LAMA5: variants seen among roughly 807,000 people sequenced by gnomAD.
The protein encoded by LAMA5 is laminin subunit alpha 5, also known as laminin subunit alpha-5.
A neutral mutation model predicts 433.4 loss-of-function variants in LAMA5; 260 were observed. That is an observed-to-expected ratio of 0.60 (90% CI 0.54 to 0.66). The LOEUF (loss-of-function observed/expected upper bound fraction) is 0.66, where lower values mean the gene tolerates loss of function less well. Among genes scored for constraint, LAMA5 ranks in the 30% least tolerant of loss-of-function variants. The pLI is 0.00. For synonymous variants in LAMA5, 2,620 were observed against 2,226.6 expected, an observed-to-expected ratio of 1.18 and a Z score of -4.97; for missense variants, 5,378 against 5,258.5, an observed-to-expected ratio of 1.02 and a Z score of -0.70.
At chr20:62,336,656 T>C in intron 17 of LAMA5, 78 bp downstream of exon 17, 3 of 1,523,054 alleles carry the variant, frequency 2.0e-6, no homozygotes, top group Non-Finnish European at 1.8e-6. Context: ...CAGGAAGCCC[T>C]GGTCTCACCG....
rs370848095 is a variant in LAMA5 at position 62,335,076 on chromosome 20, C to T, written c.2427G>A (p.Ala809=). ...GTCCAAAGAAGCCATCCTTGCAGGA[C>T]GCGCAGGCCTGGCCGCACACGTGGG... ...CKPHVCGQAC[A]SCKDGFFGLD... is the part of the protein sequence containing the mutation. The change falls in exon 20 of 80, where the codon GCG becomes GCA. Residue 809 remains alanine, a synonymous_variant. Coordinates refer to ENST00000252999, the MANE Select transcript of LAMA5 (RefSeq NM_005560.6). 48 of 1,612,924 alleles carry T rather than the reference C, an allele frequency of 3.0e-5. No homozygotes were observed. In the Middle Eastern group the frequency reaches 4.9e-4, roughly 17 times the overall value.
chr20:62,318,427 G>A (rs1294314282), intron 53 of LAMA5, 27 bp downstream of exon 53: 19 of 1,573,314 alleles, frequency 1.2e-5, no homozygotes, highest in African/African-American at 1.4e-5. Context: ...AGAGGAGCAG[G>A]AGGAAGAACA....
intron 32 of LAMA5, 55 bp from the exon 33 acceptor site, chr20:62,329,308 G>T: frequency 1.5e-6 from 2 of 1,340,060 alleles, no homozygotes; most frequent in South Asian, 2.4e-5. Flanking sequence ...CAGCGGGGAG[G>T]CCCCCAGAGG....
chr20:62,367,056 A>G lies in LAMA5; in HGVS notation c.190T>C (p.Cys64Arg). 1 of 1,264,680 alleles carries G rather than the reference A, an allele frequency of 7.9e-7. No individual in the cohort carries two copies. Among genetic ancestry groups the G allele is most frequent in the South Asian group, 3.1e-5 (1 of 32,290 alleles). 78.3% of individuals were successfully genotyped at this position (1,264,680 alleles called of 1,614,324 possible). A position where few individuals can be genotyped will look rare whatever the true frequency, so the allele number is the denominator to read the frequency against. Residue 64 changes from cysteine to arginine, a missense_variant, in exon 1 of 80, where the codon TGC (cysteine) becomes CGC (arginine). Cys to Arg is a radical substitution (Grantham distance 180). Coordinates refer to ENST00000252999, the MANE Select transcript of LAMA5 (RefSeq NM_005560.6). ...EGARIAASATCGEEAPARGSP... is the reference protein window; with the variant it reads ...EGARIAASATRGEEAPARGSP... Reference sequence around the variant, plus strand: ...CCGCGCGCCGGGGCCTCCTCTCCGCAGGTCGCGGAGGCGGCGATGCGGGCG... The same window carrying G: ...CCGCGCGCCGGGGCCTCCTCTCCGCGGGTCGCGGAGGCGGCGATGCGGGCG...
In LAMA5 at chr20:62,311,432, C is replaced by T. The variant is rs1986257407; in HGVS notation, c.9911G>A (p.Gly3304Glu). Residue 3304 changes from glycine to glutamate, a missense_variant, in exon 72 of 80, where the codon GGG (glycine) becomes GAG (glutamate). Physicochemically the swap from Gly to Glu is moderately conservative, Grantham distance 98. Transcript: ENST00000252999. ...GGCGGTGGCCTGCAGTCCTCTAGGC[C>T]CCAGGCCCGGGGTCTGGGCTTGCAG... ...PALQAQTPGL[G>E]PRGLQATARK... 1.3e-6 allele frequency: 2 copies of T among 1,592,786 alleles called. No individual in the cohort carries two copies. The highest frequency in any genetic ancestry group is 2.3e-5 in the East Asian group (1 of 43,726).
chr20:62,364,916 G>A (rs1307581816), intron 1 of LAMA5, among the ~76,000 whole-genome samples: 1 of 152,254 alleles, frequency 6.6e-6, no homozygotes, highest in African/African-American at 2.4e-5. Context: ...CGGCTTCATC[G>A]CCTGGGCACC....
At chr20:62,332,241 C>T in intron 28 of LAMA5, 131 bp downstream of exon 28, 2 of 658,538 alleles carry the variant, frequency 3.0e-6, no homozygotes, top group African/African-American at 1.8e-5. Context: ...AAGAAACATG[C>T]TGGGCTGGGC....
rs1051011447 is a variant in LAMA5, at chr20:62,334,348, C to T, written c.2583-6G>A. On this transcript the variant is annotated splice_region_variant and splice_polypyrimidine_tract_variant and intron_variant, in intron 21 of 79. Coordinates refer to ENST00000252999, the MANE Select transcript of LAMA5 (RefSeq NM_005560.6). ...GGTAGTGGTCCCTCGCAGGCCTGGCCACAGCAGGGGCTGGTCAGGTGCAGC... is the reference window on the plus strand; with the variant it reads ...GGTAGTGGTCCCTCGCAGGCCTGGCTACAGCAGGGGCTGGTCAGGTGCAGC... 1.1e-5 allele frequency: 18 copies of T among 1,592,106 alleles called. No homozygotes were observed. Among genetic ancestry groups the T allele is most frequent in the Admixed American group, 3.5e-5 (2 of 57,090 alleles).
chr20:62,326,547 C>A (rs1427075327), intron 40 of LAMA5, 130 bp downstream of exon 40: 7 of 701,534 alleles, frequency 1.0e-5, no homozygotes, highest in East Asian at 8.2e-5. Context: ...CCCCAGCCCC[C>A]ACCCCGCTTC....
At chr20:62,336,527 G>T in intron 17 of LAMA5, 82 bp from the exon 18 acceptor site, 1 of 1,296,166 alleles carries the variant, frequency 7.7e-7, no homozygotes. Context: ...GCCCTGACAA[G>T]GGGTGGTGAG....
At chr20:62,366,905 C>T (rs1355311989) in intron 1 of LAMA5, 44 bp downstream of exon 1, 1 of 1,239,584 alleles carries the variant, frequency 8.1e-7, no homozygotes, top group African/African-American at 1.5e-5. Context: ...GTTCCGGGTC[C>T]GAGTGCCCCG....
rs1255446675 is a variant in LAMA5 at position 62,320,955 on chromosome 20, G to C, written c.6497-65C>G. On this transcript the variant is annotated intron_variant, in intron 48 of 79. Coordinates refer to ENST00000252999, the MANE Select transcript of LAMA5 (RefSeq NM_005560.6). ...CAGGCCAGGGGAGAATGATCAGCTG[G>C]GGCCCTGGGGTCATTAGGGTGGGGA... The C allele has an allele frequency of 2.6e-6, 4 of 1,533,884 alleles. No individual in the cohort carries two copies. The East Asian group carries it at 6.8e-5, about 26-fold the overall frequency.
In LAMA5 at chr20:62,352,075, A is replaced by G; in HGVS notation, c.692T>C (p.Val231Ala). ...RIVPLENGEI[V>A]VSLVNGRPGA... ...CGGACGTCCGTTCACCAGGGACACCACGATCTGTGGGCAGTATGCGGTGAC... is the reference window on the plus strand; with the variant it reads ...CGGACGTCCGTTCACCAGGGACACCGCGATCTGTGGGCAGTATGCGGTGAC... Residue 231 changes from valine to alanine, a missense_variant, in exon 5 of 80, where the codon GTG (valine) becomes GCG (alanine). Val to Ala is a moderately conservative substitution (Grantham distance 64). Coordinates refer to ENST00000252999, the MANE Select transcript of LAMA5 (RefSeq NM_005560.6). The G allele has an allele frequency of 6.2e-7, 1 of 1,611,640 alleles. No homozygotes were observed. Among genetic ancestry groups the G allele is most frequent in the Non-Finnish European group, 8.5e-7 (1 of 1,179,812 alleles).
intron 8 of LAMA5, 32 bp downstream of exon 8, chr20:62,346,650 C>T: frequency 1.2e-6 from 2 of 1,609,188 alleles, no homozygotes. Context: ...ACCTCAGGGC[C>T]AGCCCATTCC....
At chr20:62,329,684 CCAG>C (rs758705029) in intron 32 of LAMA5, 90 bp downstream of exon 32, 3 of 1,492,560 alleles carry the variant, frequency 2.0e-6, no homozygotes, top group Non-Finnish European at 2.7e-6. Flanking sequence ...CTCAGCAGGC[CCAG>C]AAGAGACAGA....
Position 62,346,936 on chromosome 20 carries a change from G to A in LAMA5, c.1049C>T (p.Ala350Val). The A allele has an allele frequency of 6.2e-7, 1 of 1,612,952 alleles. No homozygotes were observed. The highest frequency in any genetic ancestry group is 1.1e-5 in the South Asian group (1 of 91,086). ...ACACTGGCACTCGTTGGCACTGTTG[G>A]CAGTCGCAGGCTTCCACGGCTGCTG... is the stretch of plus-strand genomic sequence containing the variant. ...FNQQPWKPAT[A>V]NSANECQSCN... The change falls in exon 7 of 80, where the codon GCC (alanine) becomes GTC (valine). Residue 350 changes from alanine to valine, a missense_variant. By Grantham distance (64) the Ala-to-Val change is moderately conservative (BLOSUM62 0). Transcript: ENST00000252999.
At position 62,311,467 on chromosome 20, in the gene LAMA5, A is replaced by G; in HGVS notation, c.9876T>C (p.Cys3292=). Residue 3292 remains cysteine, a synonymous_variant, in exon 72 of 80, where the codon TGT becomes TGC. Transcript: ENST00000252999. The part of the protein sequence containing the change: ...NLGSVNVSTG[C]APALQAQTPG... ...GGGTCTGGGCTTGCAGGGCGGGTGCACAGCCCGTGCTCACATTGACGCTGC... is the reference window on the plus strand; with the variant it reads ...GGGTCTGGGCTTGCAGGGCGGGTGCGCAGCCCGTGCTCACATTGACGCTGC... 1 of 1,608,312 alleles carries G rather than the reference A, an allele frequency of 6.2e-7. No homozygotes were observed. Among genetic ancestry groups the G allele is most frequent in the South Asian group, 1.1e-5 (1 of 90,396 alleles).
In LAMA5 at chr20:62,318,583, G is replaced by A. The variant is rs6089732; in HGVS notation, c.7110C>T (p.Thr2370=). The change falls in exon 53 of 80, where the codon ACC becomes ACT. Residue 2370 remains threonine (T), a synonymous_variant. Coordinates refer to ENST00000252999, the MANE Select transcript of LAMA5 (RefSeq NM_005560.6). The part of the protein sequence containing the change: ...WEENQALATQ[T]RDRLAQHEAG... ...CCTCGTGCTGGGCCAGCCGGTCGCGGGTTTGTGTGGCCAGTGCCTGGTTCT... is the reference window on the plus strand; with the variant it reads ...CCTCGTGCTGGGCCAGCCGGTCGCGAGTTTGTGTGGCCAGTGCCTGGTTCT... 11 of 1,610,474 alleles carry A rather than the reference G, an allele frequency of 6.8e-6. No homozygotes were observed. The highest frequency in any genetic ancestry group is 9.3e-6 in the Non-Finnish European group (11 of 1,179,010).
chr20:62,338,081 G>T lies in LAMA5; in HGVS notation c.1826C>A (p.Pro609His). Residue 609 changes from proline (P) to histidine (H), a missense_variant, in exon 14 of 80, where the codon CCT becomes CAT. Coordinates refer to ENST00000252999, the MANE Select transcript of LAMA5 (RefSeq NM_005560.6). ...CDEAGRCLCQ[P>H]EFAGPHCDRC... ...GTCACAATGAGGTCCAGCAAACTCA[G>T]GCTGGCATAGGCAGCGGCCGGCCTC... 6.2e-7 allele frequency: 1 copy of T among 1,604,492 alleles called. No homozygotes were observed. The highest frequency in any genetic ancestry group is 8.5e-7 in the Non-Finnish European group (1 of 1,175,130).
Sources: allele counts gnomAD v4.1 joint callset (sites outside exome capture counted in the v4.1 genomes callset), GRCh38; gene constraint gnomAD v4.1.1; transcripts MANE v1.5; gene names NCBI Gene and HGNC (gene_info 2026-07-23, HGNC 2026-07-21).